SOX6: variants seen among roughly 807,000 people sequenced by gnomAD.
SOX6 encodes SRY-box transcription factor 6.
SOX6 carries 11 observed loss-of-function variants against 97.8 expected under a neutral mutation model. That is an observed-to-expected ratio of 0.11 (90% CI 0.07 to 0.19). SOX6 has a LOEUF of 0.19. Among genes scored for constraint, SOX6 ranks in the 10% least tolerant of loss-of-function variants. The pLI is 1.00. For synonymous variants in SOX6, 360 were observed against 371.4 expected (o/e 0.97, Z 0.35); for missense variants, 810 against 1,039.5 (o/e 0.78, Z 3.04).
chr11:16,190,811 A>C (rs1300358366), intron 4 of SOX6, among the ~76,000 whole-genome samples: 2 of 152,056 alleles, frequency 1.3e-5, no homozygotes, highest in Admixed American at 1.3e-4. Context: ...AGGGGGATGC[A>C]TTTTTCTGTT....
chr11:16,606,176 G>A (rs1170125872), intron 4 of SOX6, among the ~76,000 whole-genome samples: 1 of 151,596 alleles, frequency 6.6e-6, no homozygotes, highest in Non-Finnish European at 1.5e-5. Context: ...TCCCGGGGTA[G>A]GCTAGCTGCC....
chr11:16,443,474 A>C (rs1356456517), intron 1 of SOX6, among the ~76,000 whole-genome samples: 1 of 152,232 alleles, frequency 6.6e-6, no homozygotes, highest in Non-Finnish European at 1.5e-5. Context: ...TAAACCAACC[A>C]CAGTGCTAGG....
chr11:16,071,726 C>T (rs1236462553), intron 9 of SOX6, among the ~76,000 whole-genome samples: 1 of 152,126 alleles, frequency 6.6e-6, no homozygotes, highest in Non-Finnish European at 1.5e-5. Flanking sequence ...GGTAAGGATA[C>T]AGCTTGTCTT....
At chr11:16,289,021 G>A (rs1373795767) in intron 3 of SOX6, among the ~76,000 whole-genome samples, 3 of 151,488 alleles carry the variant, frequency 2.0e-5, no homozygotes, top group Non-Finnish European at 2.9e-5. Context: ...TGAATTCTGG[G>A]CACAAGATGT....
Position 16,613,420 on chromosome 11 carries a change from C to A in SOX6, n.430-1160G>T, listed in dbSNP as rs10832651. Among the ~76,000 whole-genome samples the A allele has an allele frequency of 0.17, 25,098 of 151,878 alleles. 2,682 individuals are homozygous for A. Among genetic ancestry groups the A allele is most frequent in the East Asian group, 0.32 (1,620 of 5,100 alleles). ...TTAGCAAATCTTCTACCGCTGGCGG[C>A]GGCAACCAGAGCCTCTGTCTTGCCA... is the stretch of plus-strand genomic sequence containing the variant. On this transcript the variant is annotated intron_variant and non_coding_transcript_variant, in intron 3 of 5. Coordinates refer to the SOX6 transcript ENST00000524520. This position sits in a 1 kb window ranked among gnomAD's most constrained non-coding sequence, Gnocchi z 4.6.
At chr11:16,390,714 A>T (rs1350023290) in intron 1 of SOX6, among the ~76,000 whole-genome samples, 3 of 152,206 alleles carry the variant, frequency 2.0e-5, no homozygotes, top group Admixed American at 1.3e-4. Context: ...GAGGTTGTGG[A>T]AAAATAGGAA....
intron 3 of SOX6, among the ~76,000 whole-genome samples, chr11:16,639,114 G>A (rs557484221): frequency 3.3e-5 from 5 of 152,312 alleles, no homozygotes; most frequent in Admixed American, 2.6e-4. Context: ...AAGGGATCCA[G>A]TTTCAGCTTT....
intron 1 of SOX6, among the ~76,000 whole-genome samples, chr11:16,349,065 T>G (rs1856840263): frequency 6.6e-6 from 1 of 152,062 alleles, no homozygotes; most frequent in African/African-American, 2.4e-5. Flanking sequence ...GGACTGAAAA[T>G]TTGACATGGT....
At chr11:16,699,724 T>A (rs1848079403) in intron 3 of SOX6, among the ~76,000 whole-genome samples, 1 of 152,086 alleles carries the variant, frequency 6.6e-6, no homozygotes, top group Non-Finnish European at 1.5e-5. Context: ...ATAAGACACA[T>A]ACAAATACTT....
At chr11:16,490,330 G>A (rs763442744) in intron 4 of SOX6, among the ~76,000 whole-genome samples, 1 of 151,932 alleles carries the variant, frequency 6.6e-6, no homozygotes, top group Non-Finnish European at 1.5e-5. Flanking sequence ...CCCAACTGGA[G>A]ATATCTAAAT....
intron 4 of SOX6, among the ~76,000 whole-genome samples, chr11:16,595,490 T>A (rs1331270575): frequency 6.6e-6 from 1 of 151,682 alleles, no homozygotes; most frequent in Admixed American, 6.6e-5. Context: ...GTTTCCAGAT[T>A]ATGAAATTAG....
chr11:16,051,793 CA>C (rs1224356492), intron 10 of SOX6, among the ~76,000 whole-genome samples: 1 of 152,084 alleles, frequency 6.6e-6, no homozygotes, highest in Non-Finnish European at 1.5e-5. Flanking sequence ...ATTACTTCTT[CA>C]AATACAATTT....
At chr11:16,038,650 G>A (rs1590149933) in intron 12 of SOX6, among the ~76,000 whole-genome samples, 1 of 152,004 alleles carries the variant, frequency 6.6e-6, no homozygotes, top group Non-Finnish European at 1.5e-5. Context: ...AGCCAGTATT[G>A]AGCCCTGGTT....
intron 3 of SOX6, among the ~76,000 whole-genome samples, chr11:16,296,099 C>T (rs1565075815): frequency 6.6e-6 from 1 of 151,990 alleles, no homozygotes; most frequent in Admixed American, 6.6e-5. Context: ...ATTTAATCAC[C>T]ATAATATAAC....
chr11:15,998,185 T>A (rs1330535451), intron 13 of SOX6, among the ~76,000 whole-genome samples: 1 of 151,428 alleles, frequency 6.6e-6, no homozygotes, highest in Admixed American at 6.6e-5. Flanking sequence ...ATTGTTTACA[T>A]AAAAAATCCT....
chr11:16,238,584 C>T (rs1853095176), intron 3 of SOX6, among the ~76,000 whole-genome samples: 2 of 151,994 alleles, frequency 1.3e-5, no homozygotes, highest in Non-Finnish European at 2.9e-5. Context: ...GACAAACCTG[C>T]AGCAGTATTA....
chr11:16,207,192 A>G (rs537851719), intron 4 of SOX6, among the ~76,000 whole-genome samples: 3 of 152,174 alleles, frequency 2.0e-5, no homozygotes, highest in African/African-American at 7.2e-5. Context: ...TGTTAGTACT[A>G]TTTTAAAAGT....
intron 6 of SOX6, among the ~76,000 whole-genome samples, chr11:16,147,732 A>C (rs753808540): frequency 6.6e-6 from 1 of 152,132 alleles, no homozygotes; most frequent in African/African-American, 2.4e-5. Context: ...TCCCATCCAC[A>C]TGGAATAAAA....
At position 16,488,236 on chromosome 11, in the gene SOX6, A is replaced by C. The variant is rs56085573; in HGVS notation, n.610-11848T>G. On this transcript the variant is annotated intron_variant and non_coding_transcript_variant, in intron 4 of 5. Transcript: ENST00000524520. ...TTAAGCCCTGAGAAAACAAAAATGA[A>C]TGCAGTAGAGTTGGTGACTTCAAGG... Among the ~76,000 whole-genome samples, 536 of 152,324 alleles carry C rather than the reference A, an allele frequency of 3.5e-3. 3 individuals are homozygous for C. The highest frequency in any genetic ancestry group is 0.012 in the African/African-American group (503 of 41,574).
Sources: allele counts gnomAD v4.1 joint callset (sites outside exome capture counted in the v4.1 genomes callset), GRCh38; gene constraint gnomAD v4.1.1; non-coding constraint Gnocchi (gnomAD v3.1); transcripts MANE v1.5; gene names NCBI Gene and HGNC (gene_info 2026-07-23, HGNC 2026-07-21).